The following TMPRSS3 variants were observed in gnomAD, a reference collection of about 807,000 sequenced individuals.
The protein encoded by TMPRSS3 is transmembrane serine protease 3.
In TMPRSS3, 55 loss-of-function variants were observed where a neutral mutation model predicts 59.6. That is an observed-to-expected ratio of 0.92 (90% CI 0.74 to 1.16). The LOEUF (loss-of-function observed/expected upper bound fraction) is 1.16. Among genes scored for constraint, TMPRSS3 ranks in the 50% most tolerant of loss-of-function variants. The pLI, the probability that TMPRSS3 is intolerant of heterozygous loss-of-function variation, is 0.00. For missense variants in TMPRSS3, 596 were observed against 579.4 expected, an observed-to-expected ratio of 1.03 and a Z score of -0.29; for synonymous variants, 257 against 237.7, an observed-to-expected ratio of 1.08 and a Z score of -0.75.
At chr21:42,383,689 CA>C in intron 7 of TMPRSS3, 1 of 649,096 alleles carries the variant, frequency 1.5e-6, no homozygotes, top group South Asian at 1.6e-5. Flanking sequence ...GGAACTGAGT[CA>C]GGGACTCAAG....
At chr21:42,375,422 A>C (rs1601514276) in intron 12 of TMPRSS3, among the ~76,000 whole-genome samples, 2 of 122,226 alleles carry the variant, frequency 1.6e-5, no homozygotes, top group African/African-American at 3.3e-5. Flanking sequence ...TCCCCATCCC[A>C]GCAGGGGCTC....
At position 42,388,939 on chromosome 21, in the gene TMPRSS3, C is replaced by T. The variant is rs747805672; in HGVS notation, c.312G>A (p.Glu104=). 2.0e-5 allele frequency: 33 copies of T among 1,613,852 alleles called. No homozygotes were observed. The Admixed American group carries it at 5.3e-4, about 26-fold the overall frequency. Residue 104 remains glutamate, a synonymous_variant, in exon 4 of 13, where the codon GAG becomes GAA. Transcript: ENST00000644384. This position sits in a 1 kb window ranked among gnomAD's most constrained non-coding sequence, Gnocchi z 5.1. ...GAGCCATGACCTTACCACAGCGGTA[C>T]TCGTCCTCCCCGTCTTTGCAATCCG... ...GVSDCKDGED[E]YRCVRVGGQN...
rs1441335225 is a variant in TMPRSS3 at position 42,388,546 on chromosome 21, A to G, written c.323-20T>C. The G allele has an allele frequency of 2.1e-5, 34 of 1,614,184 alleles. No homozygotes were observed. Among genetic ancestry groups the G allele is most frequent in the Non-Finnish European group, 2.8e-5 (33 of 1,180,038 alleles). On this transcript the variant is annotated intron_variant, in intron 4 of 12. Coordinates refer to ENST00000644384, the MANE Select transcript of TMPRSS3 (RefSeq NM_001256317.3). This position sits in a 1 kb window ranked among gnomAD's most constrained non-coding sequence, Gnocchi z 5.1. ...CCCGGACTGGCCGATGTGCAGAAAG[A>G]AAGGCTTATTAGTGGCCAGTGGAAC...
At chr21:42,382,362 C>T in intron 8 of TMPRSS3, 128 bp from the exon 9 acceptor site, 4 of 843,738 alleles carry the variant, frequency 4.7e-6, no homozygotes, top group Non-Finnish European at 7.7e-6. Context: ...TCCCATCACC[C>T]TGCTTGTTTA....
rs1221577150 is a variant in TMPRSS3 at position 42,372,096 on chromosome 21, C to T, written c.*666G>A. 2.2e-6 allele frequency: 1 copy of T among 454,214 alleles called. No homozygotes were observed. The highest frequency in any genetic ancestry group is 2.0e-5 in the African/African-American group (1 of 50,002). The allele number at this position is 454,214 out of a possible 1,614,324, so 28.1% of individuals were successfully genotyped here. On this transcript the variant is annotated 3_prime_UTR_variant, in exon 13 of 13. Coordinates refer to ENST00000644384, the MANE Select transcript of TMPRSS3 (RefSeq NM_001256317.3). Reference sequence around the variant, plus strand: ...GTGCAGTGACTGCAGTTCTGCACTTCTGGGCTGGTGCGTCTTTTCTGAGTG... The same window carrying T: ...GTGCAGTGACTGCAGTTCTGCACTTTTGGGCTGGTGCGTCTTTTCTGAGTG...
chr21:42,395,668 G>GAAA, intron 1 of TMPRSS3, 200 bp from the exon 2 acceptor site: 6 of 142,840 alleles, frequency 4.2e-5, no homozygotes, highest in South Asian at 1.3e-4. Flanking sequence ...TCTAGAATTA[G>GAAA]CAAAAAAAAA....
chr21:42,378,225 T>TG (rs1347200165), intron 10 of TMPRSS3, among the ~76,000 whole-genome samples: 1 of 152,006 alleles, frequency 6.6e-6, no homozygotes, highest in African/African-American at 2.4e-5. Context: ...TGCCAGTGGG[T>TG]GGGGGGTAAG....
chr21:42,395,669 CAAAAAAAAAA>C (rs138713556), intron 1 of TMPRSS3: 4 of 243,596 alleles, frequency 1.6e-5, no homozygotes, highest in African/African-American at 3.4e-5. Flanking sequence ...CTAGAATTAG[CAAAAAAAAAA>C]AAAAAAAAAA....
intron 9 of TMPRSS3, among the ~76,000 whole-genome samples, chr21:42,381,606 C>T (rs1347217675): frequency 1.3e-5 from 2 of 152,158 alleles, no homozygotes; most frequent in Admixed American, 1.3e-4. Context: ...TTTCTGCCTC[C>T]AGGTGGCACC....
intron 10 of TMPRSS3, among the ~76,000 whole-genome samples, 192 bp downstream of exon 10, chr21:42,379,925 A>G (rs2052494403): frequency 6.6e-6 from 1 of 152,194 alleles, no homozygotes; most frequent in South Asian, 2.1e-4. Context: ...TGTTGTCCCC[A>G]TAACAATGGA....
chr21:42,395,991 G>T lies in TMPRSS3; in HGVS notation c.-101C>A, dbSNP rs1271072395. ...AGATGGCACCACGGAAGAGATAGTA[G>T]GCCACAGTGTTACTGGCTTCCCATA... On this transcript the variant is annotated 5_prime_UTR_variant, in exon 1 of 13. Transcript: ENST00000644384. 1.9e-6 allele frequency: 1 copy of T among 518,960 alleles called. No individual in the cohort carries two copies. Among genetic ancestry groups the T allele is most frequent in the Admixed American group, 1.9e-5 (1 of 51,594 alleles). 32.1% of individuals were successfully genotyped at this position (518,960 alleles called of 1,614,324 possible).
At position 42,385,534 on chromosome 21, in the gene TMPRSS3, G is replaced by A. The variant is rs1359303341; in HGVS notation, c.447C>T (p.Ser149=). The A allele has an allele frequency of 1.2e-6, 2 of 1,614,106 alleles. No homozygotes were observed. Among genetic ancestry groups the A allele is most frequent in the Non-Finnish European group, 1.7e-6 (2 of 1,179,996 alleles). The change falls in exon 6 of 13, where the codon AGC becomes AGT. Residue 149 remains serine, a splice_region_variant and synonymous_variant. Coordinates refer to ENST00000644384, the MANE Select transcript of TMPRSS3 (RefSeq NM_001256317.3). ...NVACAQLGFP[S]YVSSDNLRVS... ...CTCTGAGGTTATCTGAACTCACATA[G>A]CTGCAAGCACATTGGAAAGACAGAC...
chr21:42,373,344 G>A (rs995259808), intron 12 of TMPRSS3, among the ~76,000 whole-genome samples: 1 of 152,208 alleles, frequency 6.6e-6, no homozygotes, highest in Non-Finnish European at 1.5e-5. Context: ...CTGAGGCTGC[G>A]CATCTCTCGC....
In TMPRSS3 at chr21:42,383,062, C is replaced by A; in HGVS notation, c.753G>T (p.Trp251Cys). 1 of 1,614,154 alleles carries A rather than the reference C, an allele frequency of 6.2e-7. No homozygotes were observed. Among genetic ancestry groups the A allele is most frequent in the Non-Finnish European group, 8.5e-7 (1 of 1,180,038 alleles). Residue 251 changes from tryptophan to cysteine, a missense_variant, in exon 8 of 13, where the codon TGG (tryptophan) becomes TGT (cysteine). Trp to Cys is a radical substitution (Grantham distance 215). Transcript: ENST00000644384. Reference sequence around the variant, plus strand: ...AAACACAGTGTGCAGCAGTGATGATCCACAGGGGCGTGATGACAGAGCCCC... The same window carrying A: ...AAACACAGTGTGCAGCAGTGATGATACACAGGGGCGTGATGACAGAGCCCC... Reference protein sequence around the residue: ...LCGGSVITPLWIITAAHCVYD... With the variant: ...LCGGSVITPLCIITAAHCVYD...
chr21:42,387,747 C>T (rs115278669), intron 5 of TMPRSS3, among the ~76,000 whole-genome samples: 1,844 of 152,178 alleles, frequency 0.012, 36 homozygotes, highest in African/African-American at 0.041. Flanking sequence ...AAGGAGGCTG[C>T]TAGGGGAACC....
At chr21:42,378,312 G>A (rs932543843) in intron 10 of TMPRSS3, among the ~76,000 whole-genome samples, 6 of 152,214 alleles carry the variant, frequency 3.9e-5, no homozygotes, top group Non-Finnish European at 7.3e-5. Context: ...AATTGGTGTT[G>A]AGTGGAAAAC....
chr21:42,395,921 A>G, intron 1 of TMPRSS3, 21 bp downstream of exon 1: 1 of 518,678 alleles, frequency 1.9e-6, no homozygotes, highest in South Asian at 1.4e-5. Flanking sequence ...TACCATAAGC[A>G]TAAGTAGTTT....
Position 42,376,658 on chromosome 21 carries a change from G to A in TMPRSS3, c.1074C>T (p.His358=), listed in dbSNP as rs754341063. 30 of 1,614,124 alleles carry A rather than the reference G, an allele frequency of 1.9e-5. No individual in the cohort carries two copies. The highest frequency in any genetic ancestry group is 1.1e-4 in the South Asian group (10 of 91,080). ...DGGDASPVLN[H]AAVPLISNKI... ...TGTTGGAAATCAAAGGGACGGCCGC[G>A]TGGTTCAGGACAGGGGAGGCGTCAC... The change falls in exon 11 of 13, where the codon CAC becomes CAT. Residue 358 remains histidine (H), a synonymous_variant. Transcript: ENST00000644384.
At chr21:42,392,085 G>A (rs1261703511) in intron 2 of TMPRSS3, among the ~76,000 whole-genome samples, 1 of 152,198 alleles carries the variant, frequency 6.6e-6, no homozygotes, top group Admixed American at 6.5e-5. Flanking sequence ...AGCCTGCCCA[G>A]GGTCACACAA....
Sources: allele counts gnomAD v4.1 joint callset (sites outside exome capture counted in the v4.1 genomes callset), GRCh38; gene constraint gnomAD v4.1.1; non-coding constraint Gnocchi (gnomAD v3.1); transcripts MANE v1.5; gene names NCBI Gene and HGNC (gene_info 2026-07-23, HGNC 2026-07-21).